Variants in ERBB4 observed in about 807,000 individuals in gnomAD.
ERBB4 encodes the protein erb-b2 receptor tyrosine kinase 4, also known as receptor tyrosine-protein kinase erbB-4.
ERBB4 carries 42 observed loss-of-function variants against 158.0 expected under a neutral mutation model. The observed-to-expected ratio is 0.27, with a 90% confidence interval of 0.21 to 0.34. ERBB4 has a LOEUF of 0.34. Ranked by LOEUF, ERBB4 falls within the 10% of genes least tolerant of loss-of-function variation. The pLI is 1.00. For missense variants in ERBB4, 1,333 were observed against 1,624.1 expected, an observed-to-expected ratio of 0.82 and a Z score of 3.08; for synonymous variants, 583 against 558.7, an observed-to-expected ratio of 1.04 and a Z score of -0.61.
chr2:211,398,242 C>T (rs1007177003), intron 25 of ERBB4, among the ~76,000 whole-genome samples: 1 of 152,172 alleles, frequency 6.6e-6, no homozygotes, highest in African/African-American at 2.4e-5. Flanking sequence ...TTTCAAACCT[C>T]TTAATACCCC....
At chr2:212,170,134 T>C (rs968267472) in intron 1 of ERBB4, among the ~76,000 whole-genome samples, 1 of 152,142 alleles carries the variant, frequency 6.6e-6, no homozygotes, top group African/African-American at 2.4e-5. Flanking sequence ...TGGAACTTCA[T>C]AGAGACTTGT....
chr2:212,118,713 G>GT (rs74517317), intron 2 of ERBB4, among the ~76,000 whole-genome samples: 1 of 151,522 alleles, frequency 6.6e-6, no homozygotes, highest in African/African-American at 2.4e-5. Context: ...TTTCTCCAAA[G>GT]TTTTTTTAAA....
At chr2:212,066,795 T>C (rs754394577) in intron 2 of ERBB4, among the ~76,000 whole-genome samples, 1 of 151,934 alleles carries the variant, frequency 6.6e-6, no homozygotes, top group Non-Finnish European at 1.5e-5. Context: ...TAAAGTATTA[T>C]GACTTTAAGG....
chr2:212,474,261 T>G (rs1035168263), intron 1 of ERBB4, among the ~76,000 whole-genome samples: 1 of 151,826 alleles, frequency 6.6e-6, no homozygotes, highest in African/African-American at 2.4e-5. Context: ...ACTTTGCAAA[T>G]AGGGGTCCAG....
At chr2:211,730,418 C>G (rs1228015070) in intron 5 of ERBB4, among the ~76,000 whole-genome samples, 1 of 151,770 alleles carries the variant, frequency 6.6e-6, no homozygotes, top group Non-Finnish European at 1.5e-5. Context: ...GTCTTTGTGT[C>G]TTTTTACACT....
At chr2:211,948,068 T>C (rs1477844020) in intron 2 of ERBB4, among the ~76,000 whole-genome samples, 2 of 152,184 alleles carry the variant, frequency 1.3e-5, no homozygotes, top group East Asian at 3.9e-4. Context: ...TATTGGTGTT[T>C]GGTGCTATAT....
intron 1 of ERBB4, among the ~76,000 whole-genome samples, chr2:212,278,415 A>C (rs143452129): frequency 4.7e-4 from 71 of 151,790 alleles, no homozygotes; most frequent in African/African-American, 1.7e-3. Flanking sequence ...GTAAAATTCT[A>C]TCTTTATACA....
intron 3 of ERBB4, among the ~76,000 whole-genome samples, chr2:211,874,488 T>G (rs2078441742): frequency 6.6e-6 from 1 of 152,198 alleles, no homozygotes; most frequent in Admixed American, 6.5e-5. Flanking sequence ...AAATAATGAA[T>G]TTTAAAGGAC....
Position 211,445,978 on chromosome 2 carries a change from C to CA in ERBB4, c.2488-14879dup, listed in dbSNP as rs747334836. Among the ~76,000 whole-genome samples, 21 of 152,262 alleles carry CA rather than the reference C, an allele frequency of 1.4e-4. No individual in the cohort carries two copies. In the East Asian group the frequency reaches 4.1e-3, roughly 29 times the overall value. On this transcript the variant is annotated intron_variant, in intron 20 of 27. Coordinates refer to ENST00000342788, the MANE Select transcript of ERBB4 (RefSeq NM_005235.3). Reference sequence around the variant, plus strand: ...GGAGGCAGGTTTGTAAAGGAAGAGACATTTCCTCTGAGATAGCAACAAAGG... The same window carrying CA: ...GGAGGCAGGTTTGTAAAGGAAGAGACAATTTCCTCTGAGATAGCAACAAAGG...
intron 1 of ERBB4, among the ~76,000 whole-genome samples, chr2:212,268,953 T>C (rs952508381): frequency 6.6e-6 from 1 of 151,862 alleles, no homozygotes; most frequent in Non-Finnish European, 1.5e-5. Flanking sequence ...GTTTAACTTC[T>C]GTCTATTCAA....
At chr2:211,949,551 ATCT>A (rs2080816033) in intron 2 of ERBB4, among the ~76,000 whole-genome samples, 1 of 152,202 alleles carries the variant, frequency 6.6e-6, no homozygotes, top group Admixed American at 6.5e-5. Flanking sequence ...GTTTCTTTTT[ATCT>A]TCTTATTGTG....
intron 19 of ERBB4, among the ~76,000 whole-genome samples, chr2:211,608,311 G>A (rs1024730616): frequency 6.6e-6 from 1 of 152,092 alleles, no homozygotes; most frequent in Non-Finnish European, 1.5e-5. Flanking sequence ...AACTGCCACA[G>A]GTATTGTTAC....
At chr2:211,757,902 T>C (rs7558449) in intron 4 of ERBB4, among the ~76,000 whole-genome samples, 66,086 of 152,100 alleles carry the variant, frequency 0.43, 14,941 homozygotes, top group Middle Eastern at 0.55. Context: ...TGGGTAGACC[T>C]ATGAGAGTGC....
chr2:212,072,391 C>T (rs563624581), intron 2 of ERBB4, among the ~76,000 whole-genome samples: 6 of 152,008 alleles, frequency 3.9e-5, no homozygotes, highest in African/African-American at 7.2e-5. Flanking sequence ...TTTCCGTATT[C>T]GAATGTCTAA....
At chr2:211,916,305 G>A (rs186581591) in intron 3 of ERBB4, among the ~76,000 whole-genome samples, 11 of 151,928 alleles carry the variant, frequency 7.2e-5, no homozygotes, top group African/African-American at 1.9e-4. Flanking sequence ...TCAGCCTCCC[G>A]AGTATCTGGG....
At chr2:211,919,753 G>A (rs2079806530) in intron 3 of ERBB4, among the ~76,000 whole-genome samples, 1 of 151,870 alleles carries the variant, frequency 6.6e-6, no homozygotes, top group Non-Finnish European at 1.5e-5. Flanking sequence ...GTTTATGCAT[G>A]GTCTGTGATA....
chr2:211,914,687 T>C (rs566815523), intron 3 of ERBB4, among the ~76,000 whole-genome samples: 1 of 152,076 alleles, frequency 6.6e-6, no homozygotes, highest in Non-Finnish European at 1.5e-5. Flanking sequence ...ATACACATAA[T>C]CAAAATTGCA....
At chr2:211,834,684 T>C (rs1272885410) in intron 3 of ERBB4, among the ~76,000 whole-genome samples, 1 of 152,106 alleles carries the variant, frequency 6.6e-6, no homozygotes, top group East Asian at 1.9e-4. Context: ...AGTGGGCCAG[T>C]ACAAGGCCTG....
chr2:211,427,639 T>C (rs1488735703), intron 22 of ERBB4, among the ~76,000 whole-genome samples: 2 of 152,182 alleles, frequency 1.3e-5, no homozygotes, highest in African/African-American at 4.8e-5. Flanking sequence ...AACTTACTGC[T>C]GTCAGTAATT....
Sources: allele counts gnomAD v4.1 joint callset (sites outside exome capture counted in the v4.1 genomes callset), GRCh38; gene constraint gnomAD v4.1.1; transcripts MANE v1.5; gene names NCBI Gene and HGNC (gene_info 2026-07-23, HGNC 2026-07-21).